Variants in BLTP1 observed in about 807,000 individuals in gnomAD.
The protein encoded by BLTP1 is bridge-like lipid transfer protein family member 1.
At chr4:122,316,919 T>A in the BLTP1 span, 4 of 1,215,980 alleles carry the variant, frequency 3.3e-6, no homozygotes, top group Non-Finnish European at 4.6e-6. Context: ...AATCATAAGA[T>A]GTTAAAAGTG....
the BLTP1 span, among the ~76,000 whole-genome samples, chr4:122,266,416 TG>T: frequency 3.9e-4 from 59 of 152,224 alleles, no homozygotes; most frequent in African/African-American, 1.3e-3. Flanking sequence ...ATGTAATATA[TG>T]TTTTTTTTTG....
chr4:122,228,268 AT>A, the BLTP1 span, among the ~76,000 whole-genome samples: 1 of 152,190 alleles, frequency 6.6e-6, no homozygotes, highest in Admixed American at 6.5e-5. Context: ...TTTACAGTAA[AT>A]TCATCCTTTT....
chr4:122,173,477 C>T, the BLTP1 span, among the ~76,000 whole-genome samples: 1 of 152,180 alleles, frequency 6.6e-6, no homozygotes, highest in Non-Finnish European at 1.5e-5. Context: ...ATCCTGAGTA[C>T]TTCCCAAATG....
At chr4:122,236,878 C>T in the BLTP1 span, 1 of 963,632 alleles carries the variant, frequency 1.0e-6, no homozygotes, top group Non-Finnish European at 1.2e-6. Flanking sequence ...TTGGAAATAA[C>T]CCCTACATAC....
the BLTP1 span, among the ~76,000 whole-genome samples, chr4:122,156,451 A>G: frequency 6.6e-6 from 1 of 152,168 alleles, no homozygotes; most frequent in Non-Finnish European, 1.5e-5. Context: ...GAGAAAAGGA[A>G]TGAGTATTAG....
At chr4:122,167,754 A>G in the BLTP1 span, 1 of 985,388 alleles carries the variant, frequency 1.0e-6, no homozygotes, top group Non-Finnish European at 1.2e-6. Flanking sequence ...TCTGACATCC[A>G]GCTCTAGGCC....
the BLTP1 span, among the ~76,000 whole-genome samples, chr4:122,205,554 C>T: frequency 4.1e-5 from 6 of 146,298 alleles, no homozygotes. Context: ...TATAATAATA[C>T]TGTTTCCAAT....
At chr4:122,247,620 C>T in the BLTP1 span, 1 of 1,199,448 alleles carries the variant, frequency 8.3e-7, no homozygotes, top group Non-Finnish European at 1.1e-6. Flanking sequence ...GTTTCTATTT[C>T]CCATGTGTTT....
At chr4:122,297,281 G>A in the BLTP1 span, among the ~76,000 whole-genome samples, 1 of 152,150 alleles carries the variant, frequency 6.6e-6, no homozygotes, top group African/African-American at 2.4e-5. Flanking sequence ...AGACATTCAC[G>A]TGGCCAACAA....
the BLTP1 span, among the ~76,000 whole-genome samples, chr4:122,203,218 A>G: frequency 1.3e-5 from 2 of 151,912 alleles, no homozygotes; most frequent in African/African-American, 4.8e-5. Flanking sequence ...AGCCATTCTC[A>G]TACCATTTAT....
the BLTP1 span, among the ~76,000 whole-genome samples, chr4:122,232,741 T>C: frequency 6.6e-6 from 1 of 152,198 alleles, no homozygotes; most frequent in Non-Finnish European, 1.5e-5. Flanking sequence ...GCCTACTCTT[T>C]TCCAGAGAGA....
At chr4:122,344,922 C>G in the BLTP1 span, 5 of 985,108 alleles carry the variant, frequency 5.1e-6, no homozygotes, top group African/African-American at 1.7e-5. Flanking sequence ...AAAATGTTTA[C>G]TTGATGTCAG....
the BLTP1 span, chr4:122,333,544 T>C: frequency 3.2e-5 from 44 of 1,385,460 alleles, no homozygotes; most frequent in Non-Finnish European, 4.2e-5. Context: ...CTTTGTCAGA[T>C]GAGTAGGTTG....
the BLTP1 span, chr4:122,269,152 A>T: frequency 2.7e-6 from 2 of 732,976 alleles, no homozygotes; most frequent in African/African-American, 3.8e-5. Flanking sequence ...TTTCATACAA[A>T]TATATCCATT....
the BLTP1 span, chr4:122,247,986 T>C: frequency 2.0e-6 from 2 of 985,236 alleles, no homozygotes; most frequent in South Asian, 9.4e-5. Context: ...CTGAAATCTT[T>C]ATGTGGGACT....
chr4:122,319,816 G>C, the BLTP1 span, among the ~76,000 whole-genome samples: 1 of 152,102 alleles, frequency 6.6e-6, no homozygotes, highest in Non-Finnish European at 1.5e-5. Flanking sequence ...TGGGATTACA[G>C]GTGTGAGCCA....
At chr4:122,229,632 C>T in the BLTP1 span, 2 of 744,844 alleles carry the variant, frequency 2.7e-6, no homozygotes, top group South Asian at 1.2e-4. Flanking sequence ...AGTGCAAAAT[C>T]AAGCCTTGTT....
chr4:122,304,869 A>T, the BLTP1 span: 1 of 1,613,966 alleles, frequency 6.2e-7, no homozygotes. Context: ...TTGAACTGGA[A>T]CTTTCTAACC....
the BLTP1 span, chr4:122,220,436 C>T: frequency 3.1e-6 from 5 of 1,612,182 alleles, no homozygotes; most frequent in Non-Finnish European, 4.2e-6. Context: ...CTTATCCTGT[C>T]ACCCCTGAAT....
Sources: allele counts gnomAD v4.1 joint callset (sites outside exome capture counted in the v4.1 genomes callset), GRCh38; gene constraint gnomAD v4.1.1; transcripts MANE v1.5; gene names NCBI Gene and HGNC (gene_info 2026-07-23, HGNC 2026-07-21).